The following LRRTM4 variants were observed in gnomAD, a reference collection of about 807,000 sequenced individuals.
LRRTM4 encodes the protein leucine rich repeat transmembrane neuronal 4, also known as leucine-rich repeat transmembrane neuronal protein 4.
In LRRTM4, 25 loss-of-function variants were observed where a neutral mutation model predicts 47.6. The ratio of observed to expected loss-of-function variants is 0.53; its 90% CI spans 0.38 to 0.73. LRRTM4 has a LOEUF of 0.73. Ranked by LOEUF, LRRTM4 falls within the 30% of genes least tolerant of loss-of-function variation. The pLI, the probability that LRRTM4 is intolerant of heterozygous loss-of-function variation, is 0.00. For missense variants in LRRTM4, 638 were observed against 713.4 expected, an observed-to-expected ratio of 0.89 and a Z score of 1.20; for synonymous variants, 311 against 269.5, an observed-to-expected ratio of 1.15 and a Z score of -1.51.
At chr2:76,950,845 C>T (rs1480321600) in intron 3 of LRRTM4, among the ~76,000 whole-genome samples, 1 of 151,930 alleles carries the variant, frequency 6.6e-6, no homozygotes, top group African/African-American at 2.4e-5. Flanking sequence ...TAAGACTAGG[C>T]TAAAATGAAC....
chr2:77,108,881 T>G (rs1572970571), intron 3 of LRRTM4, among the ~76,000 whole-genome samples: 1 of 152,080 alleles, frequency 6.6e-6, no homozygotes, highest in Non-Finnish European at 1.5e-5. Flanking sequence ...CCAAAAACAT[T>G]AAAGAATAAA....
chr2:77,435,517 A>G (rs1020320445), intron 3 of LRRTM4, among the ~76,000 whole-genome samples: 9 of 152,180 alleles, frequency 5.9e-5, no homozygotes, highest in African/African-American at 2.2e-4. Context: ...GATTATAATG[A>G]TAACATTAAA....
intron 3 of LRRTM4, among the ~76,000 whole-genome samples, chr2:77,481,720 CAG>C (rs1300245298): frequency 1.3e-5 from 2 of 152,124 alleles, no homozygotes; most frequent in Non-Finnish European, 2.9e-5. Flanking sequence ...CTATTTGTCT[CAG>C]ATATTCCTTG....
intron 3 of LRRTM4, among the ~76,000 whole-genome samples, chr2:77,236,831 C>T (rs1675115506): frequency 6.6e-6 from 1 of 151,932 alleles, no homozygotes; most frequent in Non-Finnish European, 1.5e-5. Context: ...CATTTACTGA[C>T]TTGCATGTCA....
chr2:76,789,700 G>T (rs571238637), intron 3 of LRRTM4, among the ~76,000 whole-genome samples: 1 of 152,114 alleles, frequency 6.6e-6, no homozygotes, highest in Non-Finnish European at 1.5e-5. Flanking sequence ...TGTATCATGA[G>T]GGAGGAGTGT....
chr2:76,882,489 C>T lies in LRRTM4; in HGVS notation c.1552-133573G>A, dbSNP rs566313653. On this transcript the variant is annotated intron_variant, in intron 3 of 3. Coordinates refer to ENST00000409884, the MANE Select transcript of LRRTM4 (RefSeq NM_001134745.3). ...GGCAGATCTCTTGAGCTTAGGAGTT[C>T]GAGACCAATCCAAGCAACAAAGTGA... Among the ~76,000 whole-genome samples, 12 of 151,322 alleles carry T rather than the reference C, an allele frequency of 7.9e-5. No homozygotes were observed. In the South Asian group the frequency reaches 1.9e-3, roughly 24 times the overall value.
intron 3 of LRRTM4, among the ~76,000 whole-genome samples, chr2:76,798,965 T>C (rs1324107217): frequency 6.6e-6 from 1 of 150,988 alleles, no homozygotes; most frequent in East Asian, 2.0e-4. Context: ...ATCAATAGCT[T>C]ACCAACCAAA....
chr2:77,511,384 T>C (rs1678982572), intron 3 of LRRTM4, among the ~76,000 whole-genome samples: 1 of 152,034 alleles, frequency 6.6e-6, no homozygotes, highest in Non-Finnish European at 1.5e-5. Flanking sequence ...TATATAGCTG[T>C]TTAAATGAAA....
intron 3 of LRRTM4, among the ~76,000 whole-genome samples, chr2:76,803,129 A>T (rs1221410461): frequency 6.6e-6 from 1 of 152,126 alleles, no homozygotes; most frequent in African/African-American, 2.4e-5. Context: ...CAATCTAAAA[A>T]ACTTCTGCAT....
At chr2:77,050,428 G>T (rs1440781191) in intron 3 of LRRTM4, among the ~76,000 whole-genome samples, 3 of 152,058 alleles carry the variant, frequency 2.0e-5, no homozygotes, top group Non-Finnish European at 1.5e-5. Flanking sequence ...ATATTACCTT[G>T]TAAATAGCAT....
chr2:77,224,756 T>C (rs1013409523), intron 3 of LRRTM4, among the ~76,000 whole-genome samples: 1 of 152,260 alleles, frequency 6.6e-6, no homozygotes, highest in African/African-American at 2.4e-5. Flanking sequence ...ACTTTTACAC[T>C]GTTGGTGGGA....
chr2:77,170,851 T>C (rs1452868903), intron 3 of LRRTM4, among the ~76,000 whole-genome samples: 2 of 150,992 alleles, frequency 1.3e-5, no homozygotes, highest in Admixed American at 6.6e-5. Flanking sequence ...TATATATATA[T>C]ATATACTTTA....
intron 3 of LRRTM4, among the ~76,000 whole-genome samples, chr2:76,890,414 T>A (rs1009617617): frequency 2.0e-5 from 3 of 152,022 alleles, no homozygotes; most frequent in Admixed American, 1.3e-4. Context: ...TAAGAATGAT[T>A]TATGTAATTA....
chr2:77,432,260 G>A (rs1170765001), intron 3 of LRRTM4, among the ~76,000 whole-genome samples: 1 of 152,188 alleles, frequency 6.6e-6, no homozygotes. Flanking sequence ...TTTCCTGGGT[G>A]CAACCCACGT....
At chr2:77,459,471 A>G (rs915923404) in intron 3 of LRRTM4, among the ~76,000 whole-genome samples, 5 of 152,074 alleles carry the variant, frequency 3.3e-5, no homozygotes, top group African/African-American at 1.2e-4. Context: ...AAAAGTCCTT[A>G]ATAAAACACA....
intron 3 of LRRTM4, among the ~76,000 whole-genome samples, chr2:77,441,225 C>T (rs1339608596): frequency 1.3e-5 from 2 of 152,148 alleles, no homozygotes; most frequent in Non-Finnish European, 2.9e-5. Flanking sequence ...AGAATGAATG[C>T]TCAGTAGAGC....
intron 3 of LRRTM4, among the ~76,000 whole-genome samples, chr2:77,222,186 C>T (rs1271870656): frequency 6.6e-6 from 1 of 152,118 alleles, no homozygotes; most frequent in African/African-American, 2.4e-5. Flanking sequence ...ATACCAGAAT[C>T]TCTGGGACAC....
At chr2:76,974,203 T>TAC (rs1414186451) in intron 3 of LRRTM4, among the ~76,000 whole-genome samples, 20 of 80,242 alleles carry the variant, frequency 2.5e-4, no homozygotes, top group African/African-American at 1.5e-3. Context: ...TATACATATA[T>TAC]ATATATACAC....
intron 3 of LRRTM4, among the ~76,000 whole-genome samples, chr2:76,760,379 G>A (rs1271361192): frequency 2.0e-5 from 3 of 152,146 alleles, no homozygotes; most frequent in Non-Finnish European, 2.9e-5. Flanking sequence ...GTGGTGAAAT[G>A]CCATATTGGA....
Sources: gnomAD v4.1 joint callset for allele counts (sites outside exome capture counted in the v4.1 genomes callset) on GRCh38, gnomAD v4.1.1 for gene constraint, MANE v1.5 for transcripts, NCBI Gene and HGNC (gene_info 2026-07-23, HGNC 2026-07-21) for gene names.